Variants in MYH13 observed in about 807,000 individuals in gnomAD.
The protein encoded by MYH13 is myosin-13.
MYH13 carries 177 observed loss-of-function variants against 232.1 expected under a neutral mutation model. That is an observed-to-expected ratio of 0.76 (90% CI 0.67 to 0.86). The LOEUF (loss-of-function observed/expected upper bound fraction) is 0.86, where lower values mean the gene tolerates loss of function less well. Among genes scored for constraint, MYH13 ranks in the 40% least tolerant of loss-of-function variants. The pLI is 0.00. For missense variants in MYH13, 2,246 were observed against 2,405.9 expected, an observed-to-expected ratio of 0.93 and a Z score of 1.39; for synonymous variants, 884 against 923.5, an observed-to-expected ratio of 0.96 and a Z score of 0.78.
chr17:10,346,709 A>G lies in MYH13; in HGVS notation c.1234T>C (p.Tyr412His), dbSNP rs1340848483. The change falls in exon 13 of 41, where the codon TAT (tyrosine) becomes CAT (histidine). Residue 412 changes from tyrosine (Y) to histidine (H), a missense_variant. By Grantham distance (83) the Tyr-to-His change is moderately conservative. Coordinates refer to ENST00000252172, the MANE Select transcript of MYH13 (RefSeq NM_003802.3). ...CCPRVKVGNE[Y>H]VTKGQNVQQV... ...TGGACATTTTGCCCTTTAGTGACATATTCATTGCCAACCTTCACCCTTGGA... is the reference window on the plus strand; with the variant it reads ...TGGACATTTTGCCCTTTAGTGACATGTTCATTGCCAACCTTCACCCTTGGA... The G allele has an allele frequency of 1.2e-6, 2 of 1,613,924 alleles. No homozygotes were observed. Among genetic ancestry groups the G allele is most frequent in the East Asian group, 2.2e-5 (1 of 44,886 alleles).
intron 13 of MYH13, 124 bp downstream of exon 13, chr17:10,346,556 A>C: frequency 1.6e-6 from 1 of 644,712 alleles, no homozygotes; most frequent in Non-Finnish European, 2.5e-6. Flanking sequence ...CTAAAAATGA[A>C]CTTCCTCTTA....
intron 13 of MYH13, among the ~76,000 whole-genome samples, chr17:10,346,182 A>G (rs1047737435): frequency 6.6e-6 from 1 of 152,018 alleles, no homozygotes; most frequent in Non-Finnish European, 1.5e-5. Context: ...ATAGCACATG[A>G]CTCCAGCCCC....
chr17:10,322,656 G>C (rs12950594), intron 23 of MYH13, among the ~76,000 whole-genome samples: 18,510 of 132,752 alleles, frequency 0.14, 1,609 homozygotes, highest in Non-Finnish European at 0.2. Flanking sequence ...TTTTTTGAGA[G>C]GGAGTCTCAC....
rs74966901 is a variant in MYH13 at position 10,335,763 on chromosome 17, A to G, written c.2057-2572T>C. Among the ~76,000 whole-genome samples, 1,120 of 152,150 alleles carry G rather than the reference A, an allele frequency of 7.4e-3. 19 individuals are homozygous for G. Among genetic ancestry groups the G allele is most frequent in the African/African-American group, 0.026 (1,064 of 41,504 alleles). The stretch of plus-strand genomic sequence containing the variant: ...GAGTGAGACCCTGTCTTGAAAAAAA[A>G]AGAGAGAGAGAGAAAAGATGAGTAC... On this transcript the variant is annotated intron_variant, in intron 18 of 40. Transcript: ENST00000252172.
chr17:10,358,201 G>A (rs541938453), intron 7 of MYH13, among the ~76,000 whole-genome samples: 2 of 152,148 alleles, frequency 1.3e-5, no homozygotes, highest in South Asian at 4.2e-4. Flanking sequence ...ATAGATATTT[G>A]TCTTCAGAAG....
chr17:10,323,775 A>AG (rs1270493791), intron 23 of MYH13, among the ~76,000 whole-genome samples: 9 of 77,872 alleles, frequency 1.2e-4, no homozygotes, highest in African/African-American at 2.4e-4. Context: ...AAAAAAAAAA[A>AG]AAAAAAAAAA....
chr17:10,340,854 A>C (rs2071614899), intron 16 of MYH13, among the ~76,000 whole-genome samples: 1 of 151,880 alleles, frequency 6.6e-6, no homozygotes, highest in Non-Finnish European at 1.5e-5. Flanking sequence ...CCTCAGCTTT[A>C]TCATTGTGGG....
chr17:10,323,764 CAAAAAAAAAAAA>C (rs756659634), intron 23 of MYH13, among the ~76,000 whole-genome samples: 2 of 90,262 alleles, frequency 2.2e-5, no homozygotes, highest in East Asian at 4.6e-4. Flanking sequence ...CTCCATCTCA[CAAAAAAAAAAAA>C]AAAAAAAAAA....
At position 10,326,981 on chromosome 17, in the gene MYH13, GTTTTTTTTTTTTTTTTTT is replaced by G. The variant is rs61543278; in HGVS notation, c.2691+867_2691+884del. 3.8e-3 allele frequency among the ~76,000 whole-genome samples: 211 copies of G among 55,828 alleles called. 22 individuals carry two copies. Among genetic ancestry groups the G allele is most frequent in the East Asian group, 6.2e-3 (10 of 1,608 alleles). The allele number at this position is 55,828 out of a possible 152,430, so 36.6% of individuals were successfully genotyped here. On this transcript the variant is annotated intron_variant, in intron 22 of 40. Coordinates refer to ENST00000252172, the MANE Select transcript of MYH13 (RefSeq NM_003802.3). ...GAGACATGCACCACCATGCCTACTA[GTTTTTTTTTTTTTTTTTT>G]TTTTTTTTTTTTTTTTTTTTGAGAC...
rs373389464 is a variant in MYH13 at position 10,330,407 on chromosome 17, G to T, written c.2415C>A (p.Phe805Leu). 1.9e-6 allele frequency: 3 copies of T among 1,613,426 alleles called. No individual in the cohort carries two copies. The African/African-American group carries it at 4.0e-5, about 22-fold the overall frequency. Reference sequence around the variant, plus strand: ...GTCACCTCCTCTCCATCATCTTCTTGAACTCCACCCGCATCAGGTACCCCC... The same window carrying T: ...GTCACCTCCTCTCCATCATCTTCTTTAACTCCACCCGCATCAGGTACCCCC... ...VCRGYLMRVEFKKMMERRDSI... is the reference protein window; with the variant it reads ...VCRGYLMRVELKKMMERRDSI... Residue 805 changes from phenylalanine to leucine, a missense_variant, in exon 21 of 41, where the codon TTC (phenylalanine) becomes TTA (leucine). Transcript: ENST00000252172.
intron 11 of MYH13, among the ~76,000 whole-genome samples, chr17:10,351,783 C>A (rs144384508): frequency 6.6e-6 from 1 of 152,164 alleles, no homozygotes; most frequent in East Asian, 1.9e-4. Context: ...AAAAAGAAAT[C>A]CTTCTCTGGG....
Position 10,352,835 on chromosome 17 carries a change from G to C in MYH13, c.1005+1845C>G, listed in dbSNP as rs563453325. On this transcript the variant is annotated intron_variant, in intron 11 of 40. Transcript: ENST00000252172. ...TATATAACAACTTAAATTAAATTTGGTCTAAAACTGCCTCCATACATAGCA... is the reference window on the plus strand; with the variant it reads ...TATATAACAACTTAAATTAAATTTGCTCTAAAACTGCCTCCATACATAGCA... Among the ~76,000 whole-genome samples the C allele has an allele frequency of 1.1e-4, 16 of 152,284 alleles. No individual in the cohort carries two copies. The South Asian group carries it at 3.3e-3, about 32-fold the overall frequency.
chr17:10,309,921 GT>G, intron 33 of MYH13, 91 bp from the exon 34 acceptor site: 6 of 1,033,466 alleles, frequency 5.8e-6, no homozygotes, highest in Non-Finnish European at 5.2e-6. Context: ...ATGGGTATGC[GT>G]TTTTTTAAAA....
At position 10,330,497 on chromosome 17, in the gene MYH13, T is replaced by C. The variant is rs1387625342; in HGVS notation, c.2325A>G (p.Gly775=). 3 of 1,611,174 alleles carry C rather than the reference T, an allele frequency of 1.9e-6. No homozygotes were observed. In the East Asian group the frequency reaches 6.7e-5, roughly 36 times the overall value. Reference sequence around the variant, plus strand: ...TCTCATCTCTCATCTCCTCCAAAAGTCCCAGGAGCCCAGCTTTGAAAAACA... The same window carrying C: ...TCTCATCTCTCATCTCCTCCAAAAGCCCCAGGAGCCCAGCTTTGAAAAACA... The part of the protein sequence containing the change: ...TKVFFKAGLL[G]LLEEMRDEKL... Residue 775 remains glycine (G), a synonymous_variant, in exon 21 of 41, where the codon GGA becomes GGG. Transcript: ENST00000252172.
chr17:10,318,841 C>T lies in MYH13; in HGVS notation c.3687G>A (p.Lys1229=), dbSNP rs750982837. 4 of 1,614,154 alleles carry T rather than the reference C, an allele frequency of 2.5e-6. No individual in the cohort carries two copies. Among genetic ancestry groups the T allele is most frequent in the Non-Finnish European group, 3.4e-6 (4 of 1,180,034 alleles). ...QKLEKEKSEL[K]MEIDDMASNI... is the part of the protein sequence containing the mutation. The stretch of plus-strand genomic sequence containing the variant: ...TGCTGGCCATGTCGTCAATCTCCAT[C>T]TTCAGCTCGCTCTTCTCCTTCTCCA... Residue 1229 remains lysine, a synonymous_variant, in exon 27 of 41, where the codon AAG becomes AAA. Transcript: ENST00000252172.
chr17:10,320,458 C>A lies in MYH13; in HGVS notation c.3150G>T (p.Ala1050=). ...GCTTCCTCTTCGCCCTTTCCAAGTC[C>A]GCCCGCAGTTTCTTCTCCTGCTCTA... ...GSLEQEKKLR[A]DLERAKRKLE... Residue 1050 remains alanine (A), a synonymous_variant, in exon 25 of 41, where the codon GCG becomes GCT. Coordinates refer to ENST00000252172, the MANE Select transcript of MYH13 (RefSeq NM_003802.3). 6.2e-7 allele frequency: 1 copy of A among 1,613,436 alleles called. No homozygotes were observed. The highest frequency in any genetic ancestry group is 8.5e-7 in the Non-Finnish European group (1 of 1,179,734).
At chr17:10,320,315 A>G in intron 25 of MYH13, 36 bp downstream of exon 25, 1 of 1,609,386 alleles carries the variant, frequency 6.2e-7, no homozygotes, top group Non-Finnish European at 8.5e-7. Flanking sequence ...GTTGGCTTTT[A>G]GGCTGAGACA....
At chr17:10,322,727 G>A (rs528076009) in intron 23 of MYH13, among the ~76,000 whole-genome samples, 98 of 143,514 alleles carry the variant, frequency 6.8e-4, no homozygotes, top group East Asian at 1.4e-3. Context: ...TCCGCCTCCC[G>A]GGTTCACGCC....
Position 10,345,622 on chromosome 17 carries a change from A to G in MYH13, c.1264-6T>C. The G allele has an allele frequency of 3.7e-6, 6 of 1,614,138 alleles. No homozygotes were observed. Among genetic ancestry groups the G allele is most frequent in the Non-Finnish European group, 5.1e-6 (6 of 1,180,014 alleles). The stretch of plus-strand genomic sequence containing the variant: ...GCACCCACCGAATTGGTCACCTTGA[A>G]AAAGGATCACCCACTCAACCCTTGA... On this transcript the variant is annotated splice_polypyrimidine_tract_variant and splice_region_variant and intron_variant, in intron 13 of 40. Coordinates refer to ENST00000252172, the MANE Select transcript of MYH13 (RefSeq NM_003802.3).
Sources: allele counts gnomAD v4.1 joint callset (sites outside exome capture counted in the v4.1 genomes callset), GRCh38; gene constraint gnomAD v4.1.1; transcripts MANE v1.5; gene names NCBI Gene and HGNC (gene_info 2026-07-23, HGNC 2026-07-21).